Variants in NXPE2 observed in about 807,000 individuals in gnomAD.
NXPE2 encodes NXPE family member 2.
NXPE2 carries 34 observed loss-of-function variants against 34.4 expected under a neutral mutation model. That is an observed-to-expected ratio of 0.99 (90% CI 0.75 to 1.31). The LOEUF is 1.31. NXPE2 is among the 40% of genes most tolerant of loss of function. NXPE2 has a pLI of 0.00. For missense variants in NXPE2, 649 were observed against 672.5 expected (o/e 0.97, Z 0.39); for synonymous variants, 235 against 231.3 (o/e 1.02, Z -0.15).
the NXPE2 span, chr11:114,551,171 G>A: frequency 3.3e-6 from 5 of 1,535,176 alleles, no homozygotes; most frequent in East Asian, 1.2e-4. Context: ...AAGATCAGCA[G>A]CGTTTTTTGA....
the NXPE2 span, among the ~76,000 whole-genome samples, chr11:114,730,714 T>C: frequency 6.6e-6 from 1 of 152,180 alleles, no homozygotes; most frequent in Non-Finnish European, 1.5e-5. Context: ...TATTGGTGTA[T>C]AGAAATGTTA....
At chr11:114,644,513 A>C in the NXPE2 span, among the ~76,000 whole-genome samples, 1 of 152,190 alleles carries the variant, frequency 6.6e-6, no homozygotes, top group African/African-American at 2.4e-5. Context: ...ATAATAACTT[A>C]CTAAAAATGT....
the NXPE2 span, among the ~76,000 whole-genome samples, chr11:114,729,945 T>G: frequency 1.3e-5 from 2 of 152,182 alleles, no homozygotes; most frequent in Non-Finnish European, 2.9e-5. Context: ...TTGTTGTAAT[T>G]GCTTTTGAGA....
the NXPE2 span, among the ~76,000 whole-genome samples, chr11:114,612,400 C>T: frequency 6.6e-6 from 1 of 151,796 alleles, no homozygotes; most frequent in African/African-American, 2.4e-5. Context: ...CATGTCTAAC[C>T]ACTGTTACCC....
the NXPE2 span, among the ~76,000 whole-genome samples, chr11:114,478,705 C>G: frequency 2.0e-5 from 3 of 152,070 alleles, no homozygotes; most frequent in South Asian, 6.2e-4. Context: ...TTATCCAAGC[C>G]CTTTCTTGGT....
At chr11:114,766,169 A>G in the NXPE2 span, among the ~76,000 whole-genome samples, 5 of 152,112 alleles carry the variant, frequency 3.3e-5, no homozygotes, top group Admixed American at 3.3e-4. Context: ...TTTCCCTCAA[A>G]TGAACCCTTT....
the NXPE2 span, among the ~76,000 whole-genome samples, chr11:114,631,403 C>A: frequency 1.3e-4 from 20 of 151,358 alleles, no homozygotes; most frequent in Admixed American, 1.2e-3. Flanking sequence ...AATCATCATT[C>A]TCAGTAAACT....
the NXPE2 span, among the ~76,000 whole-genome samples, chr11:114,474,423 T>G: frequency 6.6e-6 from 1 of 152,222 alleles, no homozygotes. Flanking sequence ...AACCTGATCC[T>G]GTAGGATTAG....
At chr11:114,645,076 C>T in the NXPE2 span, among the ~76,000 whole-genome samples, 1 of 151,340 alleles carries the variant, frequency 6.6e-6, no homozygotes, top group Non-Finnish European at 1.5e-5. Context: ...CTGAGGCAGG[C>T]GGATTCCTTG....
the NXPE2 span, among the ~76,000 whole-genome samples, chr11:114,810,336 C>A: frequency 1.4e-5 from 2 of 147,134 alleles, no homozygotes; most frequent in Admixed American, 1.4e-4. Flanking sequence ...CCAAAATTGA[C>A]AAATGAGATC....
chr11:114,714,403 T>C, the NXPE2 span, among the ~76,000 whole-genome samples: 53,951 of 152,088 alleles, frequency 0.35, 9,845 homozygotes, highest in South Asian at 0.38. Flanking sequence ...AAGTCTTTGA[T>C]GGCTTTAGTC....
chr11:114,754,073 GATA>G, the NXPE2 span, among the ~76,000 whole-genome samples: 4 of 152,170 alleles, frequency 2.6e-5, no homozygotes, highest in South Asian at 2.1e-4. Flanking sequence ...AAATGAAAAT[GATA>G]ATGATGATTA....
the NXPE2 span, among the ~76,000 whole-genome samples, chr11:114,719,018 T>C: frequency 6.6e-6 from 1 of 152,238 alleles, no homozygotes; most frequent in African/African-American, 2.4e-5. Flanking sequence ...AGAAATCCAC[T>C]GAGTGATCGT....
the NXPE2 span, among the ~76,000 whole-genome samples, chr11:114,767,633 G>A: frequency 2.0e-5 from 3 of 152,140 alleles, no homozygotes; most frequent in Admixed American, 6.5e-5. Flanking sequence ...GTGAATGCCT[G>A]AATTAAGACA....
the NXPE2 span, among the ~76,000 whole-genome samples, chr11:114,616,448 C>G: frequency 6.6e-6 from 1 of 151,544 alleles, no homozygotes; most frequent in African/African-American, 2.4e-5. Context: ...TCTAGTGTAA[C>G]CACTGTTACC....
the NXPE2 span, among the ~76,000 whole-genome samples, chr11:114,631,623 T>G: frequency 2.6e-5 from 4 of 151,842 alleles, no homozygotes; most frequent in African/African-American, 9.7e-5. Flanking sequence ...TGTATACATA[T>G]GTAACTAAAC....
chr11:114,480,503 A>G, the NXPE2 span, among the ~76,000 whole-genome samples: 2 of 152,324 alleles, frequency 1.3e-5, no homozygotes, highest in East Asian at 3.9e-4. Context: ...TTTCTGAAGA[A>G]GGAAGCTGGT....
chr11:114,758,843 ACAT>A, the NXPE2 span, among the ~76,000 whole-genome samples: 1 of 148,602 alleles, frequency 6.7e-6, no homozygotes, highest in African/African-American at 2.4e-5. Context: ...TTTTCTATAT[ACAT>A]AAATATATAA....
At chr11:114,775,781 C>G in the NXPE2 span, among the ~76,000 whole-genome samples, 1 of 151,864 alleles carries the variant, frequency 6.6e-6, no homozygotes, top group South Asian at 2.1e-4. Context: ...GGCTTTTGCA[C>G]TGCCTCATAA....
Sources: allele counts gnomAD v4.1 joint callset (sites outside exome capture counted in the v4.1 genomes callset), GRCh38; gene constraint gnomAD v4.1.1; transcripts MANE v1.5; gene names NCBI Gene and HGNC (gene_info 2026-07-23, HGNC 2026-07-21).